Variants in F13A1 observed in about 807,000 individuals in gnomAD.
F13A1 encodes the protein coagulation factor XIII A chain.
In F13A1, 47 loss-of-function variants were observed where a neutral mutation model predicts 80.1. The ratio of observed to expected loss-of-function variants is 0.59; its 90% CI spans 0.46 to 0.75. F13A1 has a LOEUF of 0.75. F13A1 is among the 30% of genes least tolerant of loss of function. F13A1 has a pLI of 0.00. For missense variants in F13A1, 817 were observed against 930.4 expected, an observed-to-expected ratio of 0.88 and a Z score of 1.59; for synonymous variants, 349 against 344.9, an observed-to-expected ratio of 1.01 and a Z score of -0.13.
intron 6 of F13A1, among the ~76,000 whole-genome samples, chr6:6,235,387 TAAAAAGAAA>T (rs1271996470): frequency 2.6e-5 from 4 of 151,750 alleles, no homozygotes; most frequent in Non-Finnish European, 5.9e-5. Context: ...TTTATCTGAT[TAAAAAGAAA>T]AAACTTGTAT....
At position 6,250,066 on chromosome 6, in the gene F13A1, T is replaced by G. The variant is rs1267929900; in HGVS notation, c.690+745A>C. ...ACCAGATTCCATGAAAACTCCCTGCTGGATGCCCAGCGCAATGATGCACAG... is the reference window on the plus strand; with the variant it reads ...ACCAGATTCCATGAAAACTCCCTGCGGGATGCCCAGCGCAATGATGCACAG... On this transcript the variant is annotated intron_variant, in intron 5 of 14. Coordinates refer to ENST00000264870, the MANE Select transcript of F13A1 (RefSeq NM_000129.4). The surrounding 1 kb of genome is among the most constrained non-coding windows in gnomAD (Gnocchi z 4.2). Among the ~76,000 whole-genome samples, 1 of 152,166 alleles carries G rather than the reference T, an allele frequency of 6.6e-6. No individual in the cohort carries two copies. The highest frequency in any genetic ancestry group is 1.9e-4 in the East Asian group (1 of 5,188).
At chr6:6,248,251 C>T (rs1757580344) in intron 6 of F13A1, 61 bp downstream of exon 6, 3 of 1,296,440 alleles carry the variant, frequency 2.3e-6, no homozygotes, top group Middle Eastern at 1.8e-4. Context: ...AATGAACTGG[C>T]ATATATACTG....
rs192571210 is a variant in F13A1, at chr6:6,312,538, C to G, written c.130+5997G>C. On this transcript the variant is annotated intron_variant, in intron 2 of 14. Coordinates refer to ENST00000264870, the MANE Select transcript of F13A1 (RefSeq NM_000129.4). ...AAAAAAAAAAGAAAAGTTAGCTGGT[C>G]GTGGTGGCACGTGCCTGTAGTCCCA... is the stretch of plus-strand genomic sequence containing the variant. Among the ~76,000 whole-genome samples, 2 of 18,294 alleles carry G rather than the reference C, an allele frequency of 1.1e-4. 1 individual carries two copies. Among genetic ancestry groups the G allele is most frequent in the African/African-American group, 8.4e-4 (2 of 2,376 alleles). 12.0% of individuals were successfully genotyped at this position (18,294 alleles called of 152,430 possible).
intron 12 of F13A1, among the ~76,000 whole-genome samples, chr6:6,170,324 C>T (rs1760749899): frequency 6.6e-6 from 1 of 152,160 alleles, no homozygotes; most frequent in Non-Finnish European, 1.5e-5. Context: ...AGTATCAGGA[C>T]CCCTTTCTTC....
intron 3 of F13A1, among the ~76,000 whole-genome samples, chr6:6,293,791 G>A (rs1266897543): frequency 1.4e-5 from 1 of 72,966 alleles, no homozygotes; most frequent in African/African-American, 7.0e-5. Context: ...GAGAGGGAGG[G>A]AGGGAGGGAG....
At chr6:6,257,755 A>G (rs1757722223) in intron 4 of F13A1, among the ~76,000 whole-genome samples, 1 of 152,222 alleles carries the variant, frequency 6.6e-6, no homozygotes, top group African/African-American at 2.4e-5. Context: ...AACATGCTGC[A>G]TTACAGCTCA....
intron 8 of F13A1, among the ~76,000 whole-genome samples, chr6:6,219,597 T>C (rs765952665): frequency 9.2e-5 from 14 of 152,150 alleles, no homozygotes; most frequent in Non-Finnish European, 1.8e-4. Flanking sequence ...GAGCTTGACA[T>C]AGGAGTGTGG....
intron 11 of F13A1, among the ~76,000 whole-genome samples, chr6:6,176,797 A>G (rs984020407): frequency 3.3e-5 from 5 of 152,186 alleles, no homozygotes; most frequent in African/African-American, 9.6e-5. Flanking sequence ...GCAGGAGGGA[A>G]ATTCGAGCAT....
chr6:6,165,424 A>G (rs1760654184), intron 13 of F13A1, among the ~76,000 whole-genome samples: 1 of 152,206 alleles, frequency 6.6e-6, no homozygotes. Flanking sequence ...CCGGTTTATT[A>G]TCAGTGGTGC....
At chr6:6,254,369 G>C (rs559889701) in intron 4 of F13A1, among the ~76,000 whole-genome samples, 16 of 152,210 alleles carry the variant, frequency 1.1e-4, no homozygotes, top group Admixed American at 9.2e-4. Context: ...ACGTGCTATA[G>C]TAAAAATGGG....
chr6:6,283,045 T>C (rs946261983), intron 3 of F13A1, among the ~76,000 whole-genome samples: 1 of 152,172 alleles, frequency 6.6e-6, no homozygotes, highest in African/African-American at 2.4e-5. Context: ...GTTAACATCA[T>C]CAGTAATGGG....
rs552397085 is a variant in F13A1, at chr6:6,300,249, T to A, written c.319+5102A>T. 2.7e-4 allele frequency among the ~76,000 whole-genome samples: 40 copies of A among 146,654 alleles called. 1 individual carries two copies. Among genetic ancestry groups the A allele is most frequent in the Non-Finnish European group, 4.4e-4 (30 of 67,880 alleles). ...AGCCTACAGAGGCAGGCTGGCCTCCTTGAGCTGTGGTGGGCTCCACCCAGT... is the reference window on the plus strand; with the variant it reads ...AGCCTACAGAGGCAGGCTGGCCTCCATGAGCTGTGGTGGGCTCCACCCAGT... On this transcript the variant is annotated intron_variant, in intron 3 of 14. Coordinates refer to ENST00000264870, the MANE Select transcript of F13A1 (RefSeq NM_000129.4).
At chr6:6,282,900 C>A (rs1200378569) in intron 3 of F13A1, among the ~76,000 whole-genome samples, 1 of 152,168 alleles carries the variant, frequency 6.6e-6, no homozygotes, top group Non-Finnish European at 1.5e-5. Flanking sequence ...CAGCCTGACT[C>A]CCCCACTACC....
intron 14 of F13A1, among the ~76,000 whole-genome samples, chr6:6,149,998 T>C (rs1391800436): frequency 1.3e-5 from 2 of 152,230 alleles, no homozygotes; most frequent in Non-Finnish European, 2.9e-5. Context: ...TAGTGGGTCA[T>C]TGCACTGTGT....
intron 12 of F13A1, among the ~76,000 whole-genome samples, chr6:6,172,878 A>G (rs996192909): frequency 6.6e-6 from 1 of 152,214 alleles, no homozygotes; most frequent in African/African-American, 2.4e-5. Context: ...AATATTTTCC[A>G]AAACCTCAGT....
At chr6:6,267,935 T>C (rs1174308419) in intron 3 of F13A1, among the ~76,000 whole-genome samples, 3 of 152,222 alleles carry the variant, frequency 2.0e-5, no homozygotes, top group Admixed American at 6.5e-5. Context: ...CTACTTTTGT[T>C]GGGAACATGG....
intron 8 of F13A1, among the ~76,000 whole-genome samples, chr6:6,219,640 G>C (rs751154911): frequency 4.6e-5 from 7 of 152,124 alleles, no homozygotes; most frequent in Non-Finnish European, 8.8e-5. Context: ...GATCTGTCTG[G>C]GGACAGCCCG....
At chr6:6,248,270 G>A (rs1370523018) in intron 6 of F13A1, 42 bp downstream of exon 6, 1 of 1,497,202 alleles carries the variant, frequency 6.7e-7, no homozygotes, top group Non-Finnish European at 9.3e-7. Flanking sequence ...TGAGGCAAAT[G>A]ACAGGTGTAA....
At chr6:6,189,683 A>T (rs1761145883) in intron 10 of F13A1, among the ~76,000 whole-genome samples, 1 of 144,858 alleles carries the variant, frequency 6.9e-6, no homozygotes, top group Non-Finnish European at 1.5e-5. Context: ...AACTTTGGTG[A>T]ATCTGACAAT....
Sources: gnomAD v4.1 joint callset for allele counts (sites outside exome capture counted in the v4.1 genomes callset) on GRCh38, gnomAD v4.1.1 for gene constraint, Gnocchi (gnomAD v3.1) non-coding constraint, MANE v1.5 for transcripts, NCBI Gene and HGNC (gene_info 2026-07-23, HGNC 2026-07-21) for gene names.